Variants in GOT1L1 observed in about 807,000 individuals in gnomAD.
GOT1L1 encodes the protein aspartate aminotransferase, cytoplasmic 2.
In GOT1L1, 38 loss-of-function variants were observed where a neutral mutation model predicts 43.6. That is an observed-to-expected ratio of 0.87 (90% CI 0.67 to 1.14). The LOEUF is 1.14. Among genes scored for constraint, GOT1L1 ranks in the 50% most tolerant of loss-of-function variants. The probability of loss-of-function intolerance (pLI) is 0.00; values close to 1 mark genes in which losing one functional copy is unlikely to be tolerated. For synonymous variants in GOT1L1, 183 were observed against 187.2 expected (o/e 0.98, Z 0.18); for missense variants, 482 against 504.0 (o/e 0.96, Z 0.42).
At chr8:37,938,213 A>G (rs1364135241) in intron 2 of GOT1L1, among the ~76,000 whole-genome samples, 1 of 152,202 alleles carries the variant, frequency 6.6e-6, no homozygotes, top group Non-Finnish European at 1.5e-5. Context: ...CCTGGCCAAC[A>G]TGGTGAAACC....
At chr8:37,936,897 G>C in intron 5 of GOT1L1, 27 bp from the exon 6 acceptor site, 1 of 1,611,746 alleles carries the variant, frequency 6.2e-7, no homozygotes, top group Non-Finnish European at 8.5e-7. Flanking sequence ...AACAAAAAAA[G>C]AATGAGACAG....
At position 37,936,978 on chromosome 8, in the gene GOT1L1, A is replaced by G. The variant is rs1398919865; in HGVS notation, c.599T>C (p.Met200Thr). ...GATTGGGTTTACCTTTATCATGGACATCAACTTTGCCCACCCACTTGGTGT... is the reference window on the plus strand; with the variant it reads ...GATTGGGTTTACCTTTATCATGGACGTCAACTTTGCCCACCCACTTGGTGT... ...KLTPSGWAKL[M>T]SMIKSKQIFP... The change falls in exon 5 of 9, where the codon ATG (methionine) becomes ACG (threonine). Residue 200 changes from methionine (M) to threonine (T), a missense_variant. Met to Thr is a moderately conservative substitution (Grantham distance 81, BLOSUM62 -1). Coordinates refer to ENST00000307599, the MANE Select transcript of GOT1L1 (RefSeq NM_152413.3). 1 of 1,613,808 alleles carries G rather than the reference A, an allele frequency of 6.2e-7. No individual in the cohort carries two copies. Among genetic ancestry groups the G allele is most frequent in the Non-Finnish European group, 8.5e-7 (1 of 1,179,838 alleles).
Position 37,936,739 on chromosome 8 carries a change from G to A in GOT1L1, c.744C>T (p.Ser248=), listed in dbSNP as rs1212413347. The part of the protein sequence containing the change: ...GFEFFCSQSL[S]KNFGIYDEGV... ...CCATACCATAAATGCCAAAATTCTT[G>A]GACAGAGACTGGCTGCAGAAGAACT... Residue 248 remains serine, a synonymous_variant, in exon 6 of 9, where the codon TCC becomes TCT. Transcript: ENST00000307599. The A allele has an allele frequency of 3.7e-6, 6 of 1,611,908 alleles. No homozygotes were observed. The highest frequency in any genetic ancestry group is 1.1e-5 in the South Asian group (1 of 91,004).
At chr8:37,934,802 C>G (rs1315762010) in intron 8 of GOT1L1, among the ~76,000 whole-genome samples, 1 of 152,104 alleles carries the variant, frequency 6.6e-6, no homozygotes, top group Non-Finnish European at 1.5e-5. Context: ...TCTCGAACTC[C>G]TGACCTCAGG....
In GOT1L1 at chr8:37,936,823, G is replaced by A. The variant is rs1253503953; in HGVS notation, c.660C>T (p.Tyr220=). 2 of 1,611,384 alleles carry A rather than the reference G, an allele frequency of 1.2e-6. No homozygotes were observed. The highest frequency in any genetic ancestry group is 1.7e-6 in the Non-Finnish European group (2 of 1,177,648). The change falls in exon 6 of 9, where the codon TAC becomes TAT. Residue 220 remains tyrosine, a synonymous_variant. Transcript: ENST00000307599. The part of the protein sequence containing the change: ...PFFDIPCQGL[Y]TSDLEEDTRI... Reference sequence around the variant, plus strand: ...TAGTATCTTCTTCCAAGTCACTGGTGTATAAACCTTGACAGGGAATATCAA... The same window carrying A: ...TAGTATCTTCTTCCAAGTCACTGGTATATAAACCTTGACAGGGAATATCAA...
rs1355504499 is a variant in GOT1L1 at position 37,936,756 on chromosome 8, A to T, written c.727T>A (p.Cys243Ser). ...AAATTCTTGGACAGAGACTGGCTGC[A>T]GAAGAACTCAAAGCCTTGAGACACA... is the stretch of plus-strand genomic sequence containing the variant. Reference protein sequence around the residue: ...YFVSQGFEFFCSQSLSKNFGI... With the variant: ...YFVSQGFEFFSSQSLSKNFGI... The change falls in exon 6 of 9, where the codon TGC (cysteine) becomes AGC (serine). Residue 243 changes from cysteine (C) to serine (S), a missense_variant. Cys to Ser is a moderately radical substitution (Grantham distance 112). Transcript: ENST00000307599. The T allele has an allele frequency of 6.2e-7, 1 of 1,612,732 alleles. No individual in the cohort carries two copies. Among genetic ancestry groups the T allele is most frequent in the Non-Finnish European group, 8.5e-7 (1 of 1,178,906 alleles).
Position 37,937,319 on chromosome 8 carries a change from C to A in GOT1L1, c.477G>T (p.Lys159Asn). Residue 159 changes from lysine to asparagine, a missense_variant, in exon 4 of 9, where the codon AAG (lysine) becomes AAT (asparagine). Lys to Asn is a moderately conservative substitution (Grantham distance 94, BLOSUM62 0). Coordinates refer to ENST00000307599, the MANE Select transcript of GOT1L1 (RefSeq NM_152413.3). ...TVYEYSVWDP[K>N]KLCMDPDILL... Reference sequence around the variant, plus strand: ...GTATGTCGGGGTCCATGCATAGCTTCTTGGGGTCCCAGACAGAGTATTCAT... The same window carrying A: ...GTATGTCGGGGTCCATGCATAGCTTATTGGGGTCCCAGACAGAGTATTCAT... 2 of 1,610,598 alleles carry A rather than the reference C, an allele frequency of 1.2e-6. No individual in the cohort carries two copies. Among genetic ancestry groups the A allele is most frequent in the South Asian group, 2.2e-5 (2 of 90,292 alleles).
rs1479750099 is a variant in GOT1L1 at position 37,937,289 on chromosome 8, G to A, written c.507C>T (p.Leu169=). The A allele has an allele frequency of 1.3e-6, 2 of 1,599,640 alleles. No homozygotes were observed. Among genetic ancestry groups the A allele is most frequent in the Non-Finnish European group, 1.7e-6 (2 of 1,173,376 alleles). Residue 169 remains leucine (L), a synonymous_variant, in exon 4 of 9, where the codon CTC becomes CTT. Coordinates refer to ENST00000307599, the MANE Select transcript of GOT1L1 (RefSeq NM_152413.3). ...KKLCMDPDIL[L]NVVEQIPHGC... ...GGGGCCCCTCTACCTCCACCACATT[G>A]AGGAGTATGTCGGGGTCCATGCATA...
intron 7 of GOT1L1, 58 bp downstream of exon 7, chr8:37,935,646 A>G (rs1274679956): frequency 1.4e-5 from 20 of 1,420,976 alleles, no homozygotes; most frequent in Non-Finnish European, 1.8e-5. Context: ...GCAGATCAGC[A>G]GGTCTGCAGG....
chr8:37,936,915 A>G (rs746602935), intron 5 of GOT1L1, 45 bp from the exon 6 acceptor site: 3 of 1,611,040 alleles, frequency 1.9e-6, no homozygotes, highest in Non-Finnish European at 2.5e-6. Flanking sequence ...CAGATGGAGG[A>G]GAGAGCAGAG....
intron 6 of GOT1L1, among the ~76,000 whole-genome samples, chr8:37,936,342 C>G (rs1807755686): frequency 6.6e-6 from 1 of 151,686 alleles, no homozygotes; most frequent in Non-Finnish European, 1.5e-5. Context: ...GAGACCGGGT[C>G]TCGGTGTGTT....
At chr8:37,938,661 C>T in intron 2 of GOT1L1, 39 bp downstream of exon 2, 1 of 1,522,684 alleles carries the variant, frequency 6.6e-7, no homozygotes, top group Non-Finnish European at 8.8e-7. Context: ...TCGCCACTCT[C>T]TGTGTCTAAA....
In GOT1L1 at chr8:37,939,098, A is replaced by T. The variant is rs1344502898; in HGVS notation, c.116-217T>A. ...TTGTCTTTTTAAAAAAGACAACTGAAACCTATGCCATTTTAAAGGTTAAAA... is the reference window on the plus strand; with the variant it reads ...TTGTCTTTTTAAAAAAGACAACTGATACCTATGCCATTTTAAAGGTTAAAA... On this transcript the variant is annotated intron_variant, in intron 1 of 8. Coordinates refer to ENST00000307599, the MANE Select transcript of GOT1L1 (RefSeq NM_152413.3). 2 of 467,514 alleles carry T rather than the reference A, an allele frequency of 4.3e-6. 1 individual carries two copies. The highest frequency in any genetic ancestry group is 7.9e-6 in the Non-Finnish European group (2 of 253,470). The allele number at this position is 467,514 out of a possible 1,614,324, so 29.0% of individuals were successfully genotyped here. A position where few individuals can be genotyped will look rare whatever the true frequency, so the allele number is the denominator to read the frequency against.
At chr8:37,937,897 C>T (rs1014172083) in intron 2 of GOT1L1, 148 bp from the exon 3 acceptor site, 12 of 600,950 alleles carry the variant, frequency 2.0e-5, no homozygotes, top group Admixed American at 5.3e-5. Context: ...AAAAATTAGC[C>T]GGATGTGGTG....
rs1345753660 is a variant in GOT1L1, at chr8:37,934,485, G to A, written c.1074C>T (p.Ser358=). The A allele has an allele frequency of 1.2e-6, 2 of 1,609,994 alleles. No homozygotes were observed. The highest frequency in any genetic ancestry group is 1.3e-5 in the African/African-American group (1 of 74,938). Residue 358 remains serine (S), a splice_region_variant and synonymous_variant, in exon 9 of 9, where the codon TCC becomes TCT. Transcript: ENST00000307599. ...TCCTGACCAGGTATTCCACCTGCTG[G>A]GCTAAAATCATGACAAGGTCTCAGA... ...SGTHGYLGLN[S]QQVEYLVRKK... is the part of the protein sequence containing the mutation.
chr8:37,935,932 A>T (rs1807739780), intron 6 of GOT1L1, 63 bp from the exon 7 acceptor site: 1 of 1,551,930 alleles, frequency 6.4e-7, no homozygotes, highest in Admixed American at 2.0e-5. Context: ...GCCTTCACCT[A>T]GATCTCAACC....
chr8:37,937,481 G>T, intron 3 of GOT1L1, 95 bp from the exon 4 acceptor site: 1 of 1,001,302 alleles, frequency 1.0e-6, no homozygotes, highest in Non-Finnish European at 1.5e-6. Context: ...ACTGGCTGAA[G>T]GTGGGACATT....
At chr8:37,935,037 T>C in intron 8 of GOT1L1, 36 bp downstream of exon 8, 1 of 1,611,352 alleles carries the variant, frequency 6.2e-7, no homozygotes, top group Non-Finnish European at 8.5e-7. Flanking sequence ...AGGCCAAAGG[T>C]CAGAAAGGGG....
chr8:37,938,582 G>A, intron 2 of GOT1L1, 118 bp downstream of exon 2: 3 of 850,820 alleles, frequency 3.5e-6, no homozygotes, highest in Non-Finnish European at 5.3e-6. Context: ...TGAGCCTCAG[G>A]TATCTCTTTT....
Sources: gnomAD v4.1 joint callset for allele counts (sites outside exome capture counted in the v4.1 genomes callset) on GRCh38, gnomAD v4.1.1 for gene constraint, MANE v1.5 for transcripts, NCBI Gene and HGNC (gene_info 2026-07-23, HGNC 2026-07-21) for gene names.